The following SCP2 variants were observed in gnomAD, a reference collection of about 807,000 sequenced individuals.
SCP2 encodes the protein sterol carrier protein 2, also known as SCP-2/3-oxoacyl-CoA thiolase.
In SCP2, 48 loss-of-function variants were observed where a neutral mutation model predicts 71.4. The ratio of observed to expected loss-of-function variants is 0.67; its 90% confidence interval spans 0.53 to 0.86. The LOEUF (loss-of-function observed/expected upper bound fraction) is 0.86. Among genes scored for constraint, SCP2 ranks in the 40% least tolerant of loss-of-function variants. SCP2 has a pLI of 0.00. For missense variants in SCP2, 560 were observed against 655.6 expected (o/e 0.85, Z 1.59); for synonymous variants, 220 against 218.1 (o/e 1.01, Z -0.08).
chr1:52,974,141 C>T (rs1252497662), intron 6 of SCP2, among the ~76,000 whole-genome samples: 1 of 151,944 alleles, frequency 6.6e-6, no homozygotes, highest in African/African-American at 2.4e-5. Context: ...TTTACAGCAC[C>T]AAATGAGAAT....
intron 2 of SCP2, among the ~76,000 whole-genome samples, chr1:52,946,158 G>A (rs1357978898): frequency 1.3e-5 from 2 of 151,882 alleles, no homozygotes; most frequent in Admixed American, 6.6e-5. Flanking sequence ...TGAGGTCCTG[G>A]GCTCAAGGAA....
In SCP2 at chr1:53,041,965, G is replaced by A. The variant is rs113335333; in HGVS notation, c.1468+2919G>A. Reference sequence around the variant, plus strand: ...GAATAGAGTGTAGAGCTTGGAGTCCGGAGAAAAAGTGAAGAGCACTGTTAA... The same window carrying A: ...GAATAGAGTGTAGAGCTTGGAGTCCAGAGAAAAAGTGAAGAGCACTGTTAA... On this transcript the variant is annotated intron_variant, in intron 14 of 15. Coordinates refer to ENST00000371514, the MANE Select transcript of SCP2 (RefSeq NM_002979.5). Among the ~76,000 whole-genome samples the A allele has an allele frequency of 3.7e-3, 568 of 152,210 alleles. 10 individuals are homozygous for A. The highest frequency in any genetic ancestry group is 0.013 in the African/African-American group (546 of 41,516).
At chr1:53,017,761 T>A (rs1661432515) in intron 12 of SCP2, among the ~76,000 whole-genome samples, 1 of 152,206 alleles carries the variant, frequency 6.6e-6, no homozygotes, top group Non-Finnish European at 1.5e-5. Flanking sequence ...TGCATGCCTA[T>A]AAATAAAGAC....
chr1:52,927,291 C>T lies in SCP2; in HGVS notation c.-106C>T. 2 of 998,974 alleles carry T rather than the reference C, an allele frequency of 2.0e-6. No individual in the cohort carries two copies. Among genetic ancestry groups the T allele is most frequent in the South Asian group, 1.4e-5 (1 of 72,994 alleles). 61.9% of individuals were successfully genotyped at this position (998,974 alleles called of 1,614,324 possible). A position where few individuals can be genotyped will look rare whatever the true frequency, so the allele number is the denominator to read the frequency against. Reference sequence around the variant, plus strand: ...GCGCACTCTCACGCGCCTGTGTTGCCGCCCGCGGCCCTGGCTTCGGGCTTC... The same window carrying T: ...GCGCACTCTCACGCGCCTGTGTTGCTGCCCGCGGCCCTGGCTTCGGGCTTC... On this transcript the variant is annotated 5_prime_UTR_variant, in exon 1 of 16. Transcript: ENST00000371514.
rs902761824 is a variant in SCP2 at position 52,976,557 on chromosome 1, G to A, written c.588-126G>A. 51 of 680,318 alleles carry A rather than the reference G, an allele frequency of 7.5e-5. No homozygotes were observed. In the African/African-American group the frequency reaches 9.2e-4, roughly 12 times the overall value. The allele number at this position is 680,318 out of a possible 1,614,324, so 42.1% of individuals were successfully genotyped here. A position where few individuals can be genotyped will look rare whatever the true frequency, so the allele number is the denominator to read the frequency against. On this transcript the variant is annotated intron_variant, in intron 7 of 15. Transcript: ENST00000371514. ...AAGGTCAATTCAGATGACATTTATGGCTATTCATAAAAATCTGTCTTCTGG... is the reference window on the plus strand; with the variant it reads ...AAGGTCAATTCAGATGACATTTATGACTATTCATAAAAATCTGTCTTCTGG...
chr1:53,013,009 C>G (rs1661079545), intron 11 of SCP2, among the ~76,000 whole-genome samples: 1 of 152,014 alleles, frequency 6.6e-6, no homozygotes, highest in South Asian at 2.1e-4. Context: ...CTGATTGCCC[C>G]CAAGTTTGGG....
chr1:53,037,528 G>A (rs559884908), intron 13 of SCP2, among the ~76,000 whole-genome samples: 1 of 152,208 alleles, frequency 6.6e-6, no homozygotes, highest in Non-Finnish European at 1.5e-5. Flanking sequence ...GGAAAAAAAA[G>A]AGGACGGGAG....
chr1:53,020,267 A>G (rs775272068), intron 12 of SCP2, among the ~76,000 whole-genome samples: 5 of 124,788 alleles, frequency 4.0e-5, no homozygotes, highest in Non-Finnish European at 7.7e-5. Flanking sequence ...ATATTAATTT[A>G]GCCTTTTCCT....
At chr1:53,041,040 C>T (rs1663390937) in intron 14 of SCP2, among the ~76,000 whole-genome samples, 1 of 152,124 alleles carries the variant, frequency 6.6e-6, no homozygotes, top group Non-Finnish European at 1.5e-5. Flanking sequence ...TTATGCTTCT[C>T]TTGTTGGAGA....
At position 52,963,742 on chromosome 1, in the gene SCP2, A is replaced by T. The variant is rs1216052535; in HGVS notation, c.523+2113A>T. 7 of 152,214 alleles carry T rather than the reference A, an allele frequency of 4.6e-5. No homozygotes were observed. In the East Asian group the frequency reaches 1.3e-3, roughly 29 times the overall value. 9.4% of individuals were successfully genotyped at this position (152,214 alleles called of 1,614,324 possible). On this transcript the variant is annotated intron_variant, in intron 6 of 15. Coordinates refer to ENST00000371514, the MANE Select transcript of SCP2 (RefSeq NM_002979.5). ...AGAGGTAAGTGTATGCCTATTTTTC[A>T]TATGAGGAACCTGAAGCTTGGAGAA...
chr1:53,048,196 AG>A (rs562509918), intron 15 of SCP2: 33 of 422,422 alleles, frequency 7.8e-5, no homozygotes, highest in Non-Finnish European at 1.3e-4. Context: ...CAGAGATCCA[AG>A]GTGCCACACC....
At chr1:52,951,724 T>A (rs1655334432) in intron 4 of SCP2, among the ~76,000 whole-genome samples, 2 of 148,860 alleles carry the variant, frequency 1.3e-5, no homozygotes, top group South Asian at 4.2e-4. Flanking sequence ...TATTAGAACT[T>A]TTTTTTTTTT....
chr1:52,968,135 T>A (rs1346065005), intron 6 of SCP2, among the ~76,000 whole-genome samples: 1 of 152,170 alleles, frequency 6.6e-6, no homozygotes, highest in African/African-American at 2.4e-5. Flanking sequence ...AGAGATGGCG[T>A]TTCTCCATGT....
chr1:53,026,838 G>A (rs1222667707), intron 12 of SCP2, among the ~76,000 whole-genome samples: 1 of 151,764 alleles, frequency 6.6e-6, no homozygotes, highest in Non-Finnish European at 1.5e-5. Flanking sequence ...ATAATAGAAG[G>A]AAAAGGGAAA....
chr1:52,982,027 TG>T (rs1262725655), intron 10 of SCP2, among the ~76,000 whole-genome samples: 3 of 152,138 alleles, frequency 2.0e-5, no homozygotes, highest in Admixed American at 6.6e-5. Context: ...ACTTATCGAT[TG>T]TTTTTTTCAC....
At chr1:53,011,006 C>G (rs1293023681) in intron 11 of SCP2, among the ~76,000 whole-genome samples, 4 of 152,174 alleles carry the variant, frequency 2.6e-5, no homozygotes, top group Admixed American at 1.3e-4. Flanking sequence ...TGGGTGGTCT[C>G]TTCACATGGA....
chr1:52,936,854 G>A (rs1429393369), intron 1 of SCP2, among the ~76,000 whole-genome samples: 1 of 152,044 alleles, frequency 6.6e-6, no homozygotes, highest in African/African-American at 2.4e-5. Flanking sequence ...AGTTTCTGGG[G>A]TGGAGGGCAA....
At chr1:52,962,816 T>C (rs1222412276) in intron 6 of SCP2, among the ~76,000 whole-genome samples, 1 of 152,064 alleles carries the variant, frequency 6.6e-6, no homozygotes, top group African/African-American at 2.4e-5. Context: ...CACTATCTCC[T>C]GCTTTATCAT....
intron 11 of SCP2, among the ~76,000 whole-genome samples, chr1:53,012,382 C>A (rs1661043328): frequency 6.6e-6 from 1 of 152,218 alleles, no homozygotes; most frequent in African/African-American, 2.4e-5. Context: ...TGGACAACTT[C>A]CCCTGTATCT....
Sources: gnomAD v4.1 joint callset for allele counts (sites outside exome capture counted in the v4.1 genomes callset) on GRCh38, gnomAD v4.1.1 for gene constraint, MANE v1.5 for transcripts, NCBI Gene and HGNC (gene_info 2026-07-23, HGNC 2026-07-21) for gene names.